The following PALS1 variants were observed in gnomAD, a reference collection of about 807,000 sequenced individuals.
PALS1 encodes the protein protein PALS1.
A neutral mutation model predicts 78.9 loss-of-function variants in PALS1; 31 were observed. The ratio of observed to expected loss-of-function variants is 0.39; its 90% CI spans 0.30 to 0.53. PALS1 has a LOEUF of 0.53. PALS1 is among the 20% of genes least tolerant of loss of function. The pLI, the probability that PALS1 is intolerant of heterozygous loss-of-function variation, is 0.67. For synonymous variants in PALS1, 276 were observed against 270.9 expected, an observed-to-expected ratio of 1.02 and a Z score of -0.18; for missense variants, 704 against 826.5, an observed-to-expected ratio of 0.85 and a Z score of 1.82.
At chr14:67,318,521 C>T (rs547432968) in intron 11 of PALS1, among the ~76,000 whole-genome samples, 5 of 152,286 alleles carry the variant, frequency 3.3e-5, no homozygotes, top group Non-Finnish European at 7.3e-5. Flanking sequence ...TATGGATATA[C>T]ACACTGAGTC....
At chr14:67,251,042 A>G (rs899101601) in intron 1 of PALS1, among the ~76,000 whole-genome samples, 5 of 152,232 alleles carry the variant, frequency 3.3e-5, no homozygotes, top group Non-Finnish European at 7.3e-5. Context: ...ATTGAGGCTC[A>G]GAGAGATTAA....
intron 1 of PALS1, among the ~76,000 whole-genome samples, chr14:67,244,188 A>G (rs1178767273): frequency 6.6e-6 from 1 of 152,178 alleles, no homozygotes; most frequent in Non-Finnish European, 1.5e-5. Flanking sequence ...AATATTTCAA[A>G]CAATGTTTAA....
chr14:67,261,839 G>T (rs2140509797), intron 1 of PALS1, among the ~76,000 whole-genome samples: 1 of 152,088 alleles, frequency 6.6e-6, no homozygotes, highest in African/African-American at 2.4e-5. Flanking sequence ...CTTGTAGTCT[G>T]TTAGCATATG....
At chr14:67,299,264 A>G (rs1415058443) in intron 4 of PALS1, among the ~76,000 whole-genome samples, 1 of 152,174 alleles carries the variant, frequency 6.6e-6, no homozygotes, top group African/African-American at 2.4e-5. Flanking sequence ...AGAGTTCTTA[A>G]TATATTCTGG....
At chr14:67,266,291 A>G (rs2140540116) in intron 1 of PALS1, among the ~76,000 whole-genome samples, 1 of 152,294 alleles carries the variant, frequency 6.6e-6, no homozygotes, top group Middle Eastern at 3.4e-3. Context: ...TTTACTGAAT[A>G]ATAATTTCAG....
intron 8 of PALS1, among the ~76,000 whole-genome samples, chr14:67,305,348 A>C (rs996766395): frequency 3.9e-5 from 6 of 151,900 alleles, no homozygotes; most frequent in African/African-American, 1.5e-4. Flanking sequence ...TGATGTGATC[A>C]CGACTCCTGC....
Position 67,280,853 on chromosome 14 carries a change from T to TTCCCTCCTTCCCTCCC in PALS1, c.367+1323_367+1324insTTCCCTCCCTCCCTCC, listed in dbSNP as rs1555520240. Among the ~76,000 whole-genome samples, 40 of 77,580 alleles carry TTCCCTCCTTCCCTCCC rather than the reference T, an allele frequency of 5.2e-4. No individual in the cohort carries two copies. The East Asian group carries it at 0.011, about 20-fold the overall frequency. 50.9% of individuals were successfully genotyped at this position (77,580 alleles called of 152,430 possible). A position where few individuals can be genotyped will look rare whatever the true frequency, so the allele number is the denominator to read the frequency against. ...CTTCCTTCCTTCCTTCCTTCCTTCC[T>TTCCCTCCTTCCCTCCC]TCCCTCCCTCCCTCCCTCCCTCCCT... On this transcript the variant is annotated intron_variant, in intron 3 of 14. Coordinates refer to ENST00000261681, the MANE Select transcript of PALS1 (RefSeq NM_022474.4).
intron 1 of PALS1, among the ~76,000 whole-genome samples, chr14:67,258,137 T>C (rs1364875682): frequency 6.6e-6 from 1 of 151,954 alleles, no homozygotes; most frequent in Non-Finnish European, 1.5e-5. Context: ...AATATGAGCA[T>C]ACATAGATAG....
At chr14:67,280,096 G>C (rs2084581648) in intron 3 of PALS1, 1 of 152,260 alleles carries the variant, frequency 6.6e-6, no homozygotes, top group South Asian at 2.1e-4. Flanking sequence ...CGAACCAAAA[G>C]AATTCTGTGA....
rs530863294 is a variant in PALS1, at chr14:67,284,429, T to TAAAAAAAAAAAAAAAAAAAA, written c.367+4907_367+4908insAAAAAAAAAAAAAAAAAAAA. ...CTTGGGCAACATAGACCCTATCTCT[T>TAAAAAAAAAAAAAAAAAAAA]AAAAAAAAAAAAAAACAGCTGGGCA... On this transcript the variant is annotated intron_variant, in intron 3 of 14. Coordinates refer to ENST00000261681, the MANE Select transcript of PALS1 (RefSeq NM_022474.4). 2.2e-4 allele frequency among the ~76,000 whole-genome samples: 20 copies of TAAAAAAAAAAAAAAAAAAAA among 92,666 alleles called. 3 individuals carry two copies. The highest frequency in any genetic ancestry group is 1.1e-3 in the African/African-American group (18 of 15,866). 60.8% of individuals were successfully genotyped at this position (92,666 alleles called of 152,430 possible).
At position 67,294,849 on chromosome 14, in the gene PALS1, CT is replaced by C. The variant is rs1359731366; in HGVS notation, c.576+2134del. 5.9e-5 allele frequency: 9 copies of C among 151,918 alleles called. No homozygotes were observed. In the East Asian group the frequency reaches 1.8e-3, roughly 30 times the overall value. 9.4% of individuals were successfully genotyped at this position (151,918 alleles called of 1,614,324 possible). ...CACCATACCCAGCTAATTTTTTGTA[CT>C]TTTAGTAGAGATGGGGTTTCACCGT... On this transcript the variant is annotated intron_variant, in intron 4 of 14. Transcript: ENST00000261681.
chr14:67,264,826 G>A (rs2084294645), intron 1 of PALS1, among the ~76,000 whole-genome samples: 1 of 151,922 alleles, frequency 6.6e-6, no homozygotes, highest in Non-Finnish European at 1.5e-5. Context: ...TATGCTTTTT[G>A]CCAGAAATGC....
At chr14:67,298,776 G>A (rs1465680368) in intron 4 of PALS1, among the ~76,000 whole-genome samples, 3 of 152,128 alleles carry the variant, frequency 2.0e-5, no homozygotes, top group Admixed American at 1.3e-4. Flanking sequence ...AGTTGTAGAA[G>A]CATCCATCAC....
intron 1 of PALS1, among the ~76,000 whole-genome samples, chr14:67,247,866 A>G (rs1012149484): frequency 2.6e-5 from 4 of 152,184 alleles, no homozygotes; most frequent in Non-Finnish European, 4.4e-5. Flanking sequence ...GGCATGAGTC[A>G]CAGTGCCTGG....
chr14:67,295,489 CA>C (rs149488871), intron 4 of PALS1, among the ~76,000 whole-genome samples: 115 of 113,190 alleles, frequency 1.0e-3, no homozygotes, highest in East Asian at 9.1e-3. Context: ...GACCCTGTCT[CA>C]AAAAAAAAAA....
At chr14:67,250,883 T>C (rs2084053829) in intron 1 of PALS1, among the ~76,000 whole-genome samples, 1 of 152,262 alleles carries the variant, frequency 6.6e-6, no homozygotes, top group African/African-American at 2.4e-5. Flanking sequence ...CACAATACTT[T>C]CTGCTTTCCC....
chr14:67,326,221 ATTTTTTTTTTTTTTTTTTTTTTT>A (rs760127048), intron 14 of PALS1, among the ~76,000 whole-genome samples: 5 of 12,894 alleles, frequency 3.9e-4, no homozygotes, highest in Non-Finnish European at 6.1e-4. Context: ...TTTAGGTCTG[ATTTTTTTTTTTTTTTTTTTTTTT>A]TTTTTTTTTT....
intron 1 of PALS1, among the ~76,000 whole-genome samples, chr14:67,245,818 A>G (rs2140409596): frequency 1.3e-5 from 2 of 150,706 alleles, no homozygotes; most frequent in Middle Eastern, 3.4e-3. Flanking sequence ...TGAATATTGT[A>G]TCTAAGAACT....
In PALS1 at chr14:67,302,443, A is replaced by G; in HGVS notation, c.835A>G (p.Ile279Val). The change falls in exon 7 of 15, where the codon ATC becomes GTC. Residue 279 changes from isoleucine (I) to valine (V), a missense_variant. Physicochemically the swap from Ile to Val is conservative, Grantham distance 29 (BLOSUM62 3). Transcript: ENST00000261681. ...AGTTCGTAATGAAATGGACTCTGTC[A>G]TCATTAGCCGGATAGTAAAAGGGGG... is the stretch of plus-strand genomic sequence containing the variant. Reference protein sequence around the residue: ...ATVRNEMDSVIISRIVKGGAA... With the variant: ...ATVRNEMDSVVISRIVKGGAA... 1 of 1,598,370 alleles carries G rather than the reference A, an allele frequency of 6.3e-7. No homozygotes were observed. Among genetic ancestry groups the G allele is most frequent in the Non-Finnish European group, 8.5e-7 (1 of 1,172,008 alleles).
Sources: allele counts gnomAD v4.1 joint callset (sites outside exome capture counted in the v4.1 genomes callset), GRCh38; gene constraint gnomAD v4.1.1; transcripts MANE v1.5; gene names NCBI Gene and HGNC (gene_info 2026-07-23, HGNC 2026-07-21).